Variants in PAX5 observed in about 807,000 individuals in gnomAD.
PAX5 encodes paired box protein Pax-5.
A neutral mutation model predicts 43.7 loss-of-function variants in PAX5; 9 were observed. That is an observed-to-expected ratio of 0.21 (90% CI 0.12 to 0.36). PAX5 has a LOEUF of 0.36. Among genes scored for constraint, PAX5 ranks in the 10% least tolerant of loss-of-function variants. PAX5 has a pLI of 1.00. For missense variants in PAX5, 383 were observed against 532.7 expected, an observed-to-expected ratio of 0.72 and a Z score of 2.77; for synonymous variants, 228 against 214.3, an observed-to-expected ratio of 1.06 and a Z score of -0.56.
intron 8 of PAX5, among the ~76,000 whole-genome samples, chr9:36,863,192 A>C (rs1390972683): frequency 6.6e-6 from 1 of 152,174 alleles, no homozygotes; most frequent in East Asian, 1.9e-4. Context: ...TCAGGAGAAA[A>C]ACGTAAGGAT....
At chr9:36,914,287 C>G (rs1829551875) in intron 7 of PAX5, among the ~76,000 whole-genome samples, 1 of 152,200 alleles carries the variant, frequency 6.6e-6, no homozygotes, top group Admixed American at 6.5e-5. Flanking sequence ...ACTGAATTTT[C>G]TAGGAATGCA....
At chr9:37,018,821 G>C (rs2988002) in intron 2 of PAX5, among the ~76,000 whole-genome samples, 150,629 of 152,238 alleles carry the variant, frequency 0.99, 74,543 homozygotes, top group East Asian at 1. Context: ...TCTATTCCGG[G>C]TGCCGGCTGG....
chr9:36,960,174 GA>G (rs1419078757), intron 6 of PAX5, among the ~76,000 whole-genome samples: 1 of 152,218 alleles, frequency 6.6e-6, no homozygotes, highest in Non-Finnish European at 1.5e-5. Flanking sequence ...GTAGGATTTA[GA>G]AACAGGCTGA....
At chr9:36,984,940 C>G (rs1009035231) in intron 5 of PAX5, among the ~76,000 whole-genome samples, 1 of 152,214 alleles carries the variant, frequency 6.6e-6, no homozygotes, top group South Asian at 2.1e-4. Context: ...GGACCTGGGT[C>G]CCTCTTCCCT....
chr9:36,880,058 C>T (rs530069953), intron 8 of PAX5, among the ~76,000 whole-genome samples: 14 of 152,378 alleles, frequency 9.2e-5, no homozygotes, highest in South Asian at 4.1e-4. Context: ...GCTAGCAAAT[C>T]GTTAAATGAA....
intron 1 of PAX5, among the ~76,000 whole-genome samples, chr9:37,023,864 T>A (rs761726630): frequency 3.3e-4 from 51 of 152,328 alleles, no homozygotes; most frequent in Middle Eastern, 3.4e-3. Context: ...GTCTCCCTAA[T>A]GGTATTGATA....
At position 36,838,140 on chromosome 9, in the gene PAX5, T is replaced by G. The variant is rs1230364665; in HGVS notation, c.*2420A>C. The G allele has an allele frequency of 4.3e-6, 1 of 232,986 alleles. No homozygotes were observed. The highest frequency in any genetic ancestry group is 6.0e-5 in the East Asian group (1 of 16,584). The allele number at this position is 232,986 out of a possible 1,614,324, so 14.4% of individuals were successfully genotyped here. A position where few individuals can be genotyped will look rare whatever the true frequency, so the allele number is the denominator to read the frequency against. On this transcript the variant is annotated 3_prime_UTR_variant, in exon 10 of 10. Coordinates refer to ENST00000358127, the MANE Select transcript of PAX5 (RefSeq NM_016734.3). ...GCCAGCTCACCCTGGCTCCTGGAGGTGGACTCTGGCCCCAACTACCTCCCT... is the reference window on the plus strand; with the variant it reads ...GCCAGCTCACCCTGGCTCCTGGAGGGGGACTCTGGCCCCAACTACCTCCCT...
chr9:36,845,422 T>G (rs1822469300), intron 9 of PAX5, among the ~76,000 whole-genome samples: 1 of 152,210 alleles, frequency 6.6e-6, no homozygotes, highest in African/African-American at 2.4e-5. Context: ...TAAGCGGATA[T>G]CTTGGTTCGA....
chr9:37,007,660 A>G (rs1239448234), intron 3 of PAX5: 1 of 152,256 alleles, frequency 6.6e-6, no homozygotes, highest in Non-Finnish European at 1.5e-5. Context: ...GTCTCAAACT[A>G]TTACCTTTTG....
In PAX5 at chr9:36,958,299, G is replaced by GAAA. The variant is rs3073719; in HGVS notation, c.780+8247_780+8249dup. Among the ~76,000 whole-genome samples, 488 of 151,120 alleles carry GAAA rather than the reference G, an allele frequency of 3.2e-3. 4 individuals are homozygous for GAAA. The highest frequency in any genetic ancestry group is 0.011 in the African/African-American group (437 of 41,186). On this transcript the variant is annotated intron_variant, in intron 6 of 9. Coordinates refer to ENST00000358127, the MANE Select transcript of PAX5 (RefSeq NM_016734.3). ...AATTTCCTTCCACTCTAAATGTCAG[G>GAAA]AAAAAAAAATGGCTTCCATTGAGGA... is the stretch of plus-strand genomic sequence containing the variant.
chr9:36,836,341 G>A lies in PAX5; in HGVS notation c.*4219C>T, dbSNP rs1821639825. 1 of 233,330 alleles carries A rather than the reference G, an allele frequency of 4.3e-6. No homozygotes were observed. The highest frequency in any genetic ancestry group is 6.0e-5 in the East Asian group (1 of 16,582). The allele number at this position is 233,330 out of a possible 1,614,324, so 14.5% of individuals were successfully genotyped here. ...GCGTGCCCGTTTCTACCCCTGCCTT[G>A]CTGGACACCCTGAAGCACATCTCTC... On this transcript the variant is annotated 3_prime_UTR_variant, in exon 10 of 10. Coordinates refer to ENST00000358127, the MANE Select transcript of PAX5 (RefSeq NM_016734.3).
chr9:36,950,566 G>C (rs975564340), intron 6 of PAX5, among the ~76,000 whole-genome samples: 2 of 152,102 alleles, frequency 1.3e-5, no homozygotes, highest in African/African-American at 2.4e-5. Context: ...CATTTAGGCA[G>C]CTCGCCTGCT....
chr9:37,011,321 A>AT (rs971307929), intron 3 of PAX5, among the ~76,000 whole-genome samples: 4 of 151,976 alleles, frequency 2.6e-5, no homozygotes, highest in African/African-American at 9.7e-5. Context: ...AAGTTGGGAG[A>AT]TTTTTCATAA....
At chr9:36,978,397 G>A (rs193031746) in intron 5 of PAX5, among the ~76,000 whole-genome samples, 57 of 152,292 alleles carry the variant, frequency 3.7e-4, no homozygotes, top group Admixed American at 7.2e-4. Flanking sequence ...CAAAGAATGT[G>A]AAAGGCTTCA....
chr9:36,905,667 A>C (rs1828759819), intron 7 of PAX5, among the ~76,000 whole-genome samples: 1 of 152,198 alleles, frequency 6.6e-6, no homozygotes, highest in Admixed American at 6.5e-5. Flanking sequence ...ATAGATAGGC[A>C]GATAGAGGGC....
At chr9:36,843,144 A>G (rs913805736) in intron 9 of PAX5, among the ~76,000 whole-genome samples, 1 of 151,448 alleles carries the variant, frequency 6.6e-6, no homozygotes, top group Non-Finnish European at 1.5e-5. Flanking sequence ...GTGTGTGTGC[A>G]TGTGTGTGTG....
At chr9:36,902,487 G>A (rs760267106) in intron 7 of PAX5, among the ~76,000 whole-genome samples, 1 of 152,258 alleles carries the variant, frequency 6.6e-6, no homozygotes, top group Non-Finnish European at 1.5e-5. Context: ...TCATCCGGGA[G>A]GGTGCCGTGG....
intron 7 of PAX5, among the ~76,000 whole-genome samples, chr9:36,885,857 G>GT (rs1269207931): frequency 1.3e-5 from 2 of 152,134 alleles, no homozygotes; most frequent in Non-Finnish European, 2.9e-5. Flanking sequence ...TATTAAACTG[G>GT]TTTTTAAAAC....
chr9:36,850,573 G>A (rs537751335), intron 8 of PAX5, among the ~76,000 whole-genome samples: 7 of 152,122 alleles, frequency 4.6e-5, no homozygotes, highest in East Asian at 1.9e-4. Flanking sequence ...CGGGCCCTTC[G>A]CCTCCTTCTA....
Sources: gnomAD v4.1 joint callset for allele counts (sites outside exome capture counted in the v4.1 genomes callset) on GRCh38, gnomAD v4.1.1 for gene constraint, MANE v1.5 for transcripts, NCBI Gene and HGNC (gene_info 2026-07-23, HGNC 2026-07-21) for gene names.